Variants in PDGFC observed in about 807,000 individuals in gnomAD.
PDGFC encodes platelet derived growth factor C.
PDGFC carries 12 observed loss-of-function variants against 35.5 expected under a neutral mutation model. That is an observed-to-expected ratio of 0.34 (90% CI 0.22 to 0.55). The LOEUF is 0.55. Ranked by LOEUF, PDGFC falls within the 20% of genes least tolerant of loss-of-function variation. The pLI, the probability that PDGFC is intolerant of heterozygous loss-of-function variation, is 0.91. For missense variants in PDGFC, 322 were observed against 412.4 expected (o/e 0.78, Z 1.90); for synonymous variants, 159 against 148.8 (o/e 1.07, Z -0.50).
At chr4:156,766,749 C>T (rs1578995436) in intron 5 of PDGFC, among the ~76,000 whole-genome samples, 1 of 152,050 alleles carries the variant, frequency 6.6e-6, no homozygotes, top group South Asian at 2.1e-4. Flanking sequence ...TCCTAAACTA[C>T]ACTTCCTATG....
chr4:156,945,118 T>G (rs2110919443), intron 1 of PDGFC, among the ~76,000 whole-genome samples: 1 of 151,932 alleles, frequency 6.6e-6, no homozygotes, highest in South Asian at 2.1e-4. Context: ...ATAGTTTACT[T>G]ATTTATATGT....
At chr4:156,878,177 G>A (rs1383022505) in intron 1 of PDGFC, among the ~76,000 whole-genome samples, 1 of 152,168 alleles carries the variant, frequency 6.6e-6, no homozygotes, top group African/African-American at 2.4e-5. Context: ...GTAAATAGGT[G>A]CATGAGTTGG....
In PDGFC at chr4:156,761,349, C is replaced by T. The variant is rs1730371543; in HGVS notation, c.*1741G>A. 3 of 152,170 alleles carry T rather than the reference C, an allele frequency of 2.0e-5. No homozygotes were observed. Among genetic ancestry groups the T allele is most frequent in the Admixed American group, 6.5e-5 (1 of 15,276 alleles). 9.4% of individuals were successfully genotyped at this position (152,170 alleles called of 1,614,324 possible). ...TTCCAGTTTCATACTACCATACCAC[C>T]TATCACCAAGCATTTCATAAACCAT... is the stretch of plus-strand genomic sequence containing the variant. On this transcript the variant is annotated 3_prime_UTR_variant, in exon 6 of 6. Coordinates refer to ENST00000502773, the MANE Select transcript of PDGFC (RefSeq NM_016205.3).
chr4:156,873,671 CAATTTCTTAAATGT>C (rs1214547558), intron 1 of PDGFC, among the ~76,000 whole-genome samples: 1 of 152,058 alleles, frequency 6.6e-6, no homozygotes, highest in African/African-American at 2.4e-5. Context: ...CTATGTAATG[CAATTTCTTAAATGT>C]AATATAATGG....
chr4:156,765,257 C>T (rs1730491782), intron 5 of PDGFC, among the ~76,000 whole-genome samples: 1 of 152,044 alleles, frequency 6.6e-6, no homozygotes, highest in South Asian at 2.1e-4. Flanking sequence ...CAGCAGGTCC[C>T]AGACAATATT....
chr4:156,913,516 A>G (rs542363394), intron 1 of PDGFC, among the ~76,000 whole-genome samples: 1 of 152,344 alleles, frequency 6.6e-6, no homozygotes, highest in South Asian at 2.1e-4. Context: ...TCTACCAGAA[A>G]TAAGTCTTTC....
chr4:156,882,182 G>A (rs971512204), intron 1 of PDGFC, among the ~76,000 whole-genome samples: 1 of 152,038 alleles, frequency 6.6e-6, no homozygotes, highest in African/African-American at 2.4e-5. Flanking sequence ...ACAATACATT[G>A]TTAAGAAAAT....
intron 2 of PDGFC, among the ~76,000 whole-genome samples, chr4:156,826,174 ATTTTTTTTTTT>A (rs59421806): frequency 4.8e-3 from 211 of 43,788 alleles, no homozygotes; most frequent in African/African-American, 0.015. Context: ...TTTGAGTTGG[ATTTTTTTTTTT>A]TTTTTTTTTT....
chr4:156,943,588 T>C (rs1254201556), intron 1 of PDGFC, among the ~76,000 whole-genome samples: 2 of 152,110 alleles, frequency 1.3e-5, no homozygotes, highest in South Asian at 2.1e-4. Context: ...AGTGTTTTAT[T>C]GGCCTCCCTG....
chr4:156,835,540 G>T lies in PDGFC; in HGVS notation c.314+14681C>A, dbSNP rs150552918. On this transcript the variant is annotated intron_variant, in intron 2 of 5. Coordinates refer to ENST00000502773, the MANE Select transcript of PDGFC (RefSeq NM_016205.3). ...AATCCTGGGAACCAGATCTTCTAGT[G>T]CTAGAAGGGATTTGAATCTTCATCT... Among the ~76,000 whole-genome samples, 10 of 152,210 alleles carry T rather than the reference G, an allele frequency of 6.6e-5. No homozygotes were observed. The East Asian group carries it at 1.7e-3, about 26-fold the overall frequency.
intron 1 of PDGFC, among the ~76,000 whole-genome samples, chr4:156,866,528 C>T (rs1034701096): frequency 1.2e-4 from 18 of 151,760 alleles, no homozygotes; most frequent in Admixed American, 7.2e-4. Flanking sequence ...GGTGGGGGGA[C>T]GTGTGTGGGT....
At chr4:156,773,246 T>C (rs931149908) in intron 3 of PDGFC, among the ~76,000 whole-genome samples, 5 of 152,356 alleles carry the variant, frequency 3.3e-5, no homozygotes, top group Middle Eastern at 6.8e-3. Context: ...CTTTTCATTT[T>C]CCTTAATCTG....
intron 2 of PDGFC, among the ~76,000 whole-genome samples, chr4:156,847,697 AAAAGT>A (rs1729357430): frequency 6.6e-6 from 1 of 151,978 alleles, no homozygotes; most frequent in Non-Finnish European, 1.5e-5. Context: ...AACCTGGGTT[AAAAGT>A]ATACAAAACT....
At chr4:156,877,757 T>C (rs1730148894) in intron 1 of PDGFC, among the ~76,000 whole-genome samples, 1 of 152,110 alleles carries the variant, frequency 6.6e-6, no homozygotes, top group Admixed American at 6.6e-5. Context: ...AAAATATACT[T>C]CCTCTTCTGA....
chr4:156,852,566 A>G (rs974921723), intron 1 of PDGFC, among the ~76,000 whole-genome samples: 3 of 152,150 alleles, frequency 2.0e-5, no homozygotes, highest in Non-Finnish European at 2.9e-5. Flanking sequence ...TATGATAGGT[A>G]GAATTCTAAA....
At chr4:156,965,539 C>A (rs1297365518) in intron 1 of PDGFC, among the ~76,000 whole-genome samples, 1 of 152,076 alleles carries the variant, frequency 6.6e-6, no homozygotes, top group Non-Finnish European at 1.5e-5. Flanking sequence ...AAAGACCTCT[C>A]TGAGGAAGTG....
intron 3 of PDGFC, among the ~76,000 whole-genome samples, chr4:156,782,984 C>T (rs1731023802): frequency 6.6e-6 from 1 of 152,024 alleles, no homozygotes; most frequent in Admixed American, 6.6e-5. Flanking sequence ...GAAGTAAAAA[C>T]CCAAGTGCTG....
intron 3 of PDGFC, among the ~76,000 whole-genome samples, chr4:156,787,527 G>A (rs1313851905): frequency 6.6e-6 from 1 of 152,172 alleles, no homozygotes; most frequent in African/African-American, 2.4e-5. Flanking sequence ...GAAGAGAGGA[G>A]ACAACATGCG....
At chr4:156,850,550 C>G in intron 1 of PDGFC, 134 bp from the exon 2 acceptor site, 1 of 470,364 alleles carries the variant, frequency 2.1e-6, no homozygotes, top group Non-Finnish European at 3.8e-6. Flanking sequence ...CCAAATACCA[C>G]TCTTTCCAGA....
Sources: gnomAD v4.1 joint callset for allele counts (sites outside exome capture counted in the v4.1 genomes callset) on GRCh38, gnomAD v4.1.1 for gene constraint, MANE v1.5 for transcripts, NCBI Gene and HGNC (gene_info 2026-07-23, HGNC 2026-07-21) for gene names.